Variants in SLC13A1 observed in about 807,000 individuals in gnomAD.
The protein encoded by SLC13A1 is solute carrier family 13 member 1.
A neutral mutation model predicts 70.0 loss-of-function variants in SLC13A1; 65 were observed. The ratio of observed to expected loss-of-function variants is 0.93; its 90% CI spans 0.76 to 1.14. The LOEUF is 1.14. SLC13A1 is among the 50% of genes most tolerant of loss of function. The probability of loss-of-function intolerance (pLI) is 0.00; values close to 1 mark genes in which losing one functional copy is unlikely to be tolerated. For missense variants in SLC13A1, 726 were observed against 717.8 expected (o/e 1.01, Z -0.13); for synonymous variants, 275 against 250.5 (o/e 1.10, Z -0.92).
intron 2 of SLC13A1, among the ~76,000 whole-genome samples, chr7:123,175,938 G>A (rs1795433260): frequency 6.6e-6 from 1 of 152,168 alleles, no homozygotes; most frequent in South Asian, 2.1e-4. Context: ...ATTGTAGAGG[G>A]CCAAGCAGTA....
At chr7:123,148,737 C>G (rs959790413) in intron 6 of SLC13A1, among the ~76,000 whole-genome samples, 6 of 152,088 alleles carry the variant, frequency 3.9e-5, no homozygotes, top group Non-Finnish European at 8.8e-5. Context: ...ATTCTCTTAT[C>G]CCCTAGATCA....
intron 1 of SLC13A1, among the ~76,000 whole-genome samples, chr7:123,191,424 T>C (rs902794857): frequency 6.6e-6 from 1 of 152,212 alleles, no homozygotes; most frequent in African/African-American, 2.4e-5. Context: ...GGTTTCCACA[T>C]TCATGCCACT....
At chr7:123,129,628 T>C in intron 8 of SLC13A1, 147 bp from the exon 9 acceptor site, 1 of 608,714 alleles carries the variant, frequency 1.6e-6, no homozygotes, top group Non-Finnish European at 2.9e-6. Context: ...AACAGATATC[T>C]GTGCTTTTCA....
At chr7:123,172,063 C>T (rs570440473) in intron 2 of SLC13A1, among the ~76,000 whole-genome samples, 159 bp from the exon 3 acceptor site, 2 of 152,212 alleles carry the variant, frequency 1.3e-5, no homozygotes, top group East Asian at 3.9e-4. Context: ...CAAATTTAGA[C>T]ATGTTCTATA....
At chr7:123,125,810 A>G in intron 10 of SLC13A1, 135 bp from the exon 11 acceptor site, 1 of 638,676 alleles carries the variant, frequency 1.6e-6, no homozygotes, top group East Asian at 2.7e-5. Flanking sequence ...ATCCTCAATA[A>G]TCTGCCCTAA....
In SLC13A1 at chr7:123,115,448, G is replaced by C. The variant is rs1452597018; in HGVS notation, c.*70C>G. 1.3e-6 allele frequency: 2 copies of C among 1,491,578 alleles called. No individual in the cohort carries two copies. The highest frequency in any genetic ancestry group is 4.6e-5 in the East Asian group (2 of 43,710). 92.4% of individuals were successfully genotyped at this position (1,491,578 alleles called of 1,614,324 possible). A position where few individuals can be genotyped will look rare whatever the true frequency, so the allele number is the denominator to read the frequency against. On this transcript the variant is annotated 3_prime_UTR_variant, in exon 15 of 15. Transcript: ENST00000194130. ...AAATGTGTGTCATTAGTTATTTAGA[G>C]CCACATTTTACAGTCAATCATTAAT...
chr7:123,137,917 C>T (rs1358428845), intron 7 of SLC13A1, among the ~76,000 whole-genome samples: 1 of 152,118 alleles, frequency 6.6e-6, no homozygotes, highest in Non-Finnish European at 1.5e-5. Context: ...ATGTTACAAA[C>T]AATCCAATTA....
At chr7:123,149,132 T>C (rs1794466823) in intron 6 of SLC13A1, among the ~76,000 whole-genome samples, 1 of 152,080 alleles carries the variant, frequency 6.6e-6, no homozygotes. Context: ...CATGTGATAG[T>C]CTACCTGGTC....
intron 6 of SLC13A1, among the ~76,000 whole-genome samples, chr7:123,153,305 A>G (rs766300057): frequency 3.8e-4 from 58 of 152,232 alleles, no homozygotes; most frequent in African/African-American, 1.2e-3. Context: ...AATATCATCA[A>G]CAATTTATAA....
chr7:123,123,039 T>C, intron 12 of SLC13A1, 87 bp downstream of exon 12: 4 of 1,074,988 alleles, frequency 3.7e-6, no homozygotes, highest in Non-Finnish European at 5.7e-6. Context: ...CAGAGTGAAA[T>C]TGAATATGCC....
At chr7:123,151,566 G>A (rs1794556716) in intron 6 of SLC13A1, among the ~76,000 whole-genome samples, 1 of 151,940 alleles carries the variant, frequency 6.6e-6, no homozygotes, top group Non-Finnish European at 1.5e-5. Context: ...CATGTAATAA[G>A]CACTGTCCAA....
chr7:123,162,712 T>C (rs1235145658), intron 6 of SLC13A1, among the ~76,000 whole-genome samples: 1 of 152,080 alleles, frequency 6.6e-6, no homozygotes, highest in Non-Finnish European at 1.5e-5. Flanking sequence ...CTAATACCCC[T>C]AGTTTCTAAT....
At chr7:123,191,651 G>A (rs1796000474) in intron 1 of SLC13A1, among the ~76,000 whole-genome samples, 1 of 152,182 alleles carries the variant, frequency 6.6e-6, no homozygotes, top group African/African-American at 2.4e-5. Context: ...GGATGGGCAA[G>A]TAATACTCAT....
At chr7:123,177,183 C>G (rs1423619965) in intron 2 of SLC13A1, among the ~76,000 whole-genome samples, 2 of 152,114 alleles carry the variant, frequency 1.3e-5, no homozygotes, top group East Asian at 3.9e-4. Flanking sequence ...ACTCCATTTT[C>G]CCAATTGGCA....
intron 11 of SLC13A1, among the ~76,000 whole-genome samples, chr7:123,124,899 A>C (rs1403648346): frequency 1.3e-5 from 2 of 152,096 alleles, no homozygotes; most frequent in Non-Finnish European, 2.9e-5. Flanking sequence ...CCTGGGCTCA[A>C]GTGATCCTCC....
intron 1 of SLC13A1, chr7:123,186,865 T>C (rs1049821239): frequency 1.7e-5 from 7 of 404,094 alleles, no homozygotes; most frequent in Non-Finnish European, 3.5e-5. Context: ...ATCTTGTTTA[T>C]TTATCATGAA....
At chr7:123,186,923 A>ATT (rs957313542) in intron 1 of SLC13A1, among the ~76,000 whole-genome samples, 2 of 146,216 alleles carry the variant, frequency 1.4e-5, no homozygotes, top group African/African-American at 5.0e-5. Context: ...TGACCTTACA[A>ATT]TTTTTTTTTT....
At chr7:123,154,067 A>C (rs1230052264) in intron 6 of SLC13A1, among the ~76,000 whole-genome samples, 1 of 152,078 alleles carries the variant, frequency 6.6e-6, no homozygotes, top group Non-Finnish European at 1.5e-5. Flanking sequence ...GTAAAGACCT[A>C]ATATTTCAGA....
At chr7:123,196,350 A>C (rs1271450724) in intron 1 of SLC13A1, among the ~76,000 whole-genome samples, 1 of 152,162 alleles carries the variant, frequency 6.6e-6, no homozygotes, top group Non-Finnish European at 1.5e-5. Flanking sequence ...GAATTGCATT[A>C]GCGAAGTGAG....
Sources: allele counts gnomAD v4.1 joint callset (sites outside exome capture counted in the v4.1 genomes callset), GRCh38; gene constraint gnomAD v4.1.1; transcripts MANE v1.5; gene names NCBI Gene and HGNC (gene_info 2026-07-23, HGNC 2026-07-21).